Variants in CD1E observed in about 807,000 individuals in gnomAD.
The protein encoded by CD1E is CD1e molecule, also known as T-cell surface glycoprotein CD1e, membrane-associated.
In CD1E, 49 loss-of-function variants were observed where a neutral mutation model predicts 40.1. The ratio of observed to expected loss-of-function variants is 1.22; its 90% CI spans 0.97 to 1.55. The LOEUF is 1.55. CD1E is among the 40% of genes most tolerant of loss of function. The pLI is 0.00. For synonymous variants in CD1E, 189 were observed against 178.3 expected (o/e 1.06, Z -0.48); for missense variants, 492 against 471.3 (o/e 1.04, Z -0.41).
In CD1E at chr1:158,355,148, A is replaced by G; in HGVS notation, c.356-152A>G. 12 of 387,876 alleles carry G rather than the reference A, an allele frequency of 3.1e-5. 1 individual carries two copies. Among genetic ancestry groups the G allele is most frequent in the South Asian group, 7.1e-5 (2 of 28,074 alleles). The allele number at this position is 387,876 out of a possible 1,614,324, so 24.0% of individuals were successfully genotyped here. ...TTTATTATCTTCAAATTTTCTTCCC[A>G]CAAATTTTCTTCCCCTTTGCCAGTA... On this transcript the variant is annotated intron_variant, in intron 2 of 5. Transcript: ENST00000368167.
chr1:158,355,215 C>T (rs1653468273), intron 2 of CD1E, 85 bp from the exon 3 acceptor site: 1 of 1,382,836 alleles, frequency 7.2e-7, no homozygotes, highest in Non-Finnish European at 9.9e-7. Flanking sequence ...TTTTTCTTCC[C>T]TTGAATCTCT....
chr1:158,356,934 T>C lies in CD1E; in HGVS notation c.*38T>C, dbSNP rs377570474. 2.1e-5 allele frequency: 33 copies of C among 1,567,898 alleles called. No homozygotes were observed. Among genetic ancestry groups the C allele is most frequent in the Non-Finnish European group, 2.8e-5 (32 of 1,138,676 alleles). On this transcript the variant is annotated 3_prime_UTR_variant, in exon 6 of 6. Transcript: ENST00000368167. Reference sequence around the variant, plus strand: ...CTTATACATAAAATCCTTGTCTGCATCTTCTTAAACACCGTCCATGTCCCA... The same window carrying C: ...CTTATACATAAAATCCTTGTCTGCACCTTCTTAAACACCGTCCATGTCCCA...
At chr1:158,355,025 G>A (rs918124857) in intron 2 of CD1E, among the ~76,000 whole-genome samples, 1 of 152,070 alleles carries the variant, frequency 6.6e-6, no homozygotes, top group Admixed American at 6.6e-5. Context: ...GGACTGGCCT[G>A]TACCTAACCA....
At chr1:158,354,101 G>A in intron 1 of CD1E, 55 bp downstream of exon 1, 2 of 1,472,400 alleles carry the variant, frequency 1.4e-6, no homozygotes, top group Admixed American at 3.4e-5. Flanking sequence ...AGGGCTGAGA[G>A]GAAGCTCTGG....
chr1:158,354,711 A>T, intron 2 of CD1E, 38 bp downstream of exon 2: 1 of 1,561,638 alleles, frequency 6.4e-7, no homozygotes, highest in Non-Finnish European at 8.7e-7. Flanking sequence ...TTGCCTGGGA[A>T]CACCAACTAT....
Position 158,355,562 on chromosome 1 carries a change from A to T in CD1E, c.618A>T (p.Lys206Asn). ...TGGAAGCAGGGGAGTCAGAACTGAA[A>T]CGGAAAGGTGAGCCCAACTCTCTCT... ...GLMEAGESELKRKVKPEAWLS... is the reference protein window; with the variant it reads ...GLMEAGESELNRKVKPEAWLS... The change falls in exon 3 of 6, where the codon AAA becomes AAT. Residue 206 changes from lysine (K) to asparagine (N), a missense_variant. Lys to Asn is a moderately conservative substitution (Grantham distance 94). Transcript: ENST00000368167. The T allele has an allele frequency of 6.2e-7, 1 of 1,613,800 alleles. No homozygotes were observed. The highest frequency in any genetic ancestry group is 1.1e-5 in the South Asian group (1 of 91,028).
chr1:158,355,727 T>G (rs1436917285), intron 3 of CD1E, 100 bp from the exon 4 acceptor site: 1 of 1,412,904 alleles, frequency 7.1e-7, no homozygotes, highest in Non-Finnish European at 9.5e-7. Flanking sequence ...AAGTGATTAC[T>G]AAATCACTCT....
chr1:158,354,064 G>A lies in CD1E; in HGVS notation c.58+18G>A, dbSNP rs1290230548. The A allele has an allele frequency of 7.5e-6, 12 of 1,609,602 alleles. No homozygotes were observed. The highest frequency in any genetic ancestry group is 1.0e-5 in the Non-Finnish European group (12 of 1,175,964). On this transcript the variant is annotated intron_variant, in intron 1 of 5. Coordinates refer to ENST00000368167, the MANE Select transcript of CD1E (RefSeq NM_030893.4). Reference sequence around the variant, plus strand: ...TACAGCAGGTAAGAAGAGTGCAGGTGGAAAGATACCTATGGTAGGGCACCA... The same window carrying A: ...TACAGCAGGTAAGAAGAGTGCAGGTAGAAAGATACCTATGGTAGGGCACCA...
At chr1:158,356,368 G>T (rs1213723972) in intron 4 of CD1E, 130 bp from the exon 5 acceptor site, 2 of 818,650 alleles carry the variant, frequency 2.4e-6, no homozygotes, top group Non-Finnish European at 3.8e-6. Flanking sequence ...GGATCAGGAG[G>T]AATTGAAATG....
chr1:158,356,541 A>G lies in CD1E; in HGVS notation c.948A>G (p.Ile316Met). 1 of 1,613,946 alleles carries G rather than the reference A, an allele frequency of 6.2e-7. No individual in the cohort carries two copies. The highest frequency in any genetic ancestry group is 1.1e-5 in the South Asian group (1 of 91,030). Residue 316 changes from isoleucine (I) to methionine (M), a missense_variant, in exon 5 of 6, where the codon ATA (isoleucine) becomes ATG (methionine). Coordinates refer to ENST00000368167, the MANE Select transcript of CD1E (RefSeq NM_030893.4). ...IFLILICLTVIVTLVILVVVD... is the reference protein window; with the variant it reads ...IFLILICLTVMVTLVILVVVD... ...TCATCCTGATCTGTTTGACTGTGAT[A>G]GTTACCCTGGTCATATTGGTTGTAG...
Position 158,356,487 on chromosome 1 carries a change from T to TC in CD1E, c.905-7dup, listed in dbSNP as rs1205191481. ...TTTTAGGGTTGGTATTCTTATTCTA[T>TC]CCCCAACCAGGTGGATATTCCATCT... On this transcript the variant is annotated splice_polypyrimidine_tract_variant and intron_variant, in intron 4 of 5. Transcript: ENST00000368167. 1 of 1,586,036 alleles carries TC rather than the reference T, an allele frequency of 6.3e-7. No homozygotes were observed. The highest frequency in any genetic ancestry group is 2.2e-5 in the East Asian group (1 of 44,706).
At position 158,357,029 on chromosome 1, in the gene CD1E, TC is replaced by T. The variant is rs1653795352; in HGVS notation, c.*137del. 1.1e-4 allele frequency: 76 copies of T among 679,866 alleles called. No individual in the cohort carries two copies. The East Asian group carries it at 2.0e-3, about 18-fold the overall frequency. The allele number at this position is 679,866 out of a possible 1,614,324, so 42.1% of individuals were successfully genotyped here. ...TACTGACCCCTTTAGGAATACTTTT[TC>T]CCCATCTTCCAGAGATTTTTTTTTT... On this transcript the variant is annotated 3_prime_UTR_variant, in exon 6 of 6. Coordinates refer to ENST00000368167, the MANE Select transcript of CD1E (RefSeq NM_030893.4).
intron 2 of CD1E, 73 bp downstream of exon 2, chr1:158,354,746 A>G (rs1653404993): frequency 2.3e-6 from 3 of 1,304,764 alleles, no homozygotes; most frequent in Non-Finnish European, 3.2e-6. Flanking sequence ...GATAGTATAT[A>G]GACTCTGACC....
Position 158,355,901 on chromosome 1 carries a change from G to C in CD1E, c.700G>C (p.Gly234Arg). ...GRLQLVCHVSGFYPKPVWVMW... is the reference protein window; with the variant it reads ...GRLQLVCHVSRFYPKPVWVMW... ...TCTGCAGCTTGTGTGCCATGTCTCA[G>C]GATTCTACCCAAAGCCCGTGTGGGT... Residue 234 changes from glycine (G) to arginine (R), a missense_variant, in exon 4 of 6, where the codon GGA becomes CGA. Physicochemically the swap from Gly to Arg is moderately radical, Grantham distance 125 (BLOSUM62 -2). Coordinates refer to ENST00000368167, the MANE Select transcript of CD1E (RefSeq NM_030893.4). 6.2e-7 allele frequency: 1 copy of C among 1,614,152 alleles called. No individual in the cohort carries two copies. The highest frequency in any genetic ancestry group is 8.5e-7 in the Non-Finnish European group (1 of 1,180,046).
intron 2 of CD1E, 119 bp from the exon 3 acceptor site, chr1:158,355,181 G>A: frequency 1.1e-6 from 1 of 929,808 alleles, no homozygotes; most frequent in Non-Finnish European, 1.6e-6. Context: ...GTAAACTCTA[G>A]TCTCCATATG....
In CD1E at chr1:158,356,502, A is replaced by T. The variant is rs758566975; in HGVS notation, c.909A>T (p.Gly303=). 7 of 1,609,088 alleles carry T rather than the reference A, an allele frequency of 4.4e-6. No individual in the cohort carries two copies. The East Asian group carries it at 1.6e-4, about 36-fold the overall frequency. The part of the protein sequence containing the change: ...GGHDLIIHWG[G]YSIFLILICL... ...TCTTATTCTATCCCCAACCAGGTGG[A>T]TATTCCATCTTTCTCATCCTGATCT... Residue 303 remains glycine (G), a synonymous_variant, in exon 5 of 6, where the codon GGA becomes GGT. Coordinates refer to ENST00000368167, the MANE Select transcript of CD1E (RefSeq NM_030893.4).
chr1:158,353,921 G>A lies in CD1E; in HGVS notation c.-68G>A. 2 of 1,238,352 alleles carry A rather than the reference G, an allele frequency of 1.6e-6. No homozygotes were observed. Among genetic ancestry groups the A allele is most frequent in the Admixed American group, 1.7e-5 (1 of 59,224 alleles). The allele number at this position is 1,238,352 out of a possible 1,614,324, so 76.7% of individuals were successfully genotyped here. On this transcript the variant is annotated 5_prime_UTR_variant, in exon 1 of 6. Coordinates refer to ENST00000368167, the MANE Select transcript of CD1E (RefSeq NM_030893.4). The stretch of plus-strand genomic sequence containing the variant: ...ACGAGAGTGCAAGAGGGTGTGGAGA[G>A]GGGTACTGATATCTGAATTATTAGG...
intron 1 of CD1E, 23 bp from the exon 2 acceptor site, chr1:158,354,354 C>A: frequency 6.4e-7 from 1 of 1,564,546 alleles, no homozygotes; most frequent in Non-Finnish European, 8.6e-7. Flanking sequence ...ATTCTCTCTA[C>A]TTGTCATTTC....
chr1:158,354,086 A>G (rs1374768113), intron 1 of CD1E, 40 bp downstream of exon 1: 3 of 1,561,276 alleles, frequency 1.9e-6, no homozygotes, highest in Non-Finnish European at 2.6e-6. Context: ...ATGGTAGGGC[A>G]CCAGAGGGCT....
Sources: gnomAD v4.1 joint callset for allele counts (sites outside exome capture counted in the v4.1 genomes callset) on GRCh38, gnomAD v4.1.1 for gene constraint, MANE v1.5 for transcripts, NCBI Gene and HGNC (gene_info 2026-07-23, HGNC 2026-07-21) for gene names.